The following TRAPPC12 variants were observed in gnomAD, a reference collection of about 807,000 sequenced individuals.
The protein encoded by TRAPPC12 is TPR repeat protein 15.
In TRAPPC12, 61 loss-of-function variants were observed where a neutral mutation model predicts 69.2. The observed-to-expected ratio is 0.88, with a 90% CI of 0.72 to 1.09. The LOEUF (loss-of-function observed/expected upper bound fraction) is 1.09. Ranked by LOEUF, TRAPPC12 falls within the 50% of genes least tolerant of loss-of-function variation. TRAPPC12 has a pLI of 0.00. For missense variants in TRAPPC12, 1,101 were observed against 1,016.4 expected (o/e 1.08, Z -1.13); for synonymous variants, 469 against 438.9 (o/e 1.07, Z -0.86).
intron 1 of TRAPPC12, among the ~76,000 whole-genome samples, chr2:3,384,435 G>A (rs1660401481): frequency 6.6e-6 from 1 of 152,088 alleles, no homozygotes; most frequent in South Asian, 2.1e-4. Context: ...TTAATTTGAG[G>A]TTTCCTTTAG....
intron 2 of TRAPPC12, among the ~76,000 whole-genome samples, chr2:3,392,901 T>C (rs1660903187): frequency 6.6e-6 from 1 of 152,228 alleles, no homozygotes; most frequent in Non-Finnish European, 1.5e-5. Context: ...TGCAGAATTA[T>C]ACAGTAGCCC....
chr2:3,395,828 C>G (rs568256972), intron 2 of TRAPPC12, among the ~76,000 whole-genome samples: 2 of 151,990 alleles, frequency 1.3e-5, no homozygotes, highest in Non-Finnish European at 2.9e-5. Flanking sequence ...CTCCCAGGCT[C>G]AAGCAATTCC....
intron 3 of TRAPPC12, among the ~76,000 whole-genome samples, chr2:3,404,706 G>A (rs12989272): frequency 0.27 from 40,503 of 151,872 alleles, 5,640 homozygotes; most frequent in East Asian, 0.41. Flanking sequence ...GACCCAGCAC[G>A]GTCAGGCACA....
chr2:3,431,104 A>G (rs1002377737), intron 5 of TRAPPC12, among the ~76,000 whole-genome samples: 2 of 152,232 alleles, frequency 1.3e-5, no homozygotes, highest in Non-Finnish European at 2.9e-5. Context: ...GCTCTGAGGC[A>G]GGCCCGCAGA....
intron 3 of TRAPPC12, among the ~76,000 whole-genome samples, chr2:3,403,279 C>T (rs948429218): frequency 2.1e-5 from 3 of 139,944 alleles, no homozygotes; most frequent in African/African-American, 8.2e-5. Context: ...GTTGCCCAGG[C>T]TGGAGTGCAA....
rs1558405500 is a variant in TRAPPC12, at chr2:3,465,597, G to T, written c.1678G>T (p.Asp560Tyr). The T allele has an allele frequency of 1.2e-6, 2 of 1,612,628 alleles. No homozygotes were observed. Among genetic ancestry groups the T allele is most frequent in the East Asian group, 2.2e-5 (1 of 44,878 alleles). Residue 560 changes from aspartate (D) to tyrosine (Y), a missense_variant and splice_region_variant, in exon 9 of 12, where the codon GAT becomes TAT. Physicochemically the swap from Asp to Tyr is radical, Grantham distance 160. Transcript: ENST00000324266. ...SMANCLLLMK[D>Y]YVLAVEAYHS... ...GTACGTTGGGTTTTTCTTCCCACAG[G>T]ATTATGTGCTGGCCGTGGAGGCGTA...
intron 9 of TRAPPC12, among the ~76,000 whole-genome samples, chr2:3,468,605 T>C (rs1665927642): frequency 6.6e-6 from 1 of 152,120 alleles, no homozygotes; most frequent in African/African-American, 2.4e-5. Context: ...CAGATCCAAG[T>C]GTAAGGGCGG....
At position 3,465,682 on chromosome 2, in the gene TRAPPC12, G is replaced by A. The variant is rs373998922; in HGVS notation, c.1763G>A (p.Arg588Gln). 3.4e-5 allele frequency: 55 copies of A among 1,613,806 alleles called. No individual in the cohort carries two copies. Among genetic ancestry groups the A allele is most frequent in the African/African-American group, 1.2e-4 (9 of 74,930 alleles). Reference sequence around the variant, plus strand: ...CCCCAGCTGCTCAGCGGCATCGGCCGGATTTCCCTGCAGGTACCTGTGCAC... The same window carrying A: ...CCCCAGCTGCTCAGCGGCATCGGCCAGATTTCCCTGCAGGTACCTGTGCAC... ...QEPQLLSGIG[R>Q]ISLQIGDIKT... Residue 588 changes from arginine to glutamine, a missense_variant, in exon 9 of 12, where the codon CGG (arginine) becomes CAG (glutamine). By Grantham distance (43) the Arg-to-Gln change is conservative. Transcript: ENST00000324266.
intron 8 of TRAPPC12, among the ~76,000 whole-genome samples, chr2:3,464,390 C>T (rs929283621): frequency 6.6e-6 from 1 of 151,130 alleles, no homozygotes; most frequent in Non-Finnish European, 1.5e-5. Context: ...TTTTTCCTTC[C>T]TACCAAACTG....
At chr2:3,409,780 G>A (rs6737048) in intron 3 of TRAPPC12, among the ~76,000 whole-genome samples, 83,663 of 130,722 alleles carry the variant, frequency 0.64, 27,712 homozygotes, top group African/African-American at 0.76. Context: ...AAAAAAAAAG[G>A]GGAAGAAATG....
intron 1 of TRAPPC12, among the ~76,000 whole-genome samples, chr2:3,387,151 G>T (rs1049957864): frequency 6.6e-6 from 1 of 152,164 alleles, no homozygotes; most frequent in Non-Finnish European, 1.5e-5. Context: ...CAGATAGCTG[G>T]ATAAACAAAA....
chr2:3,445,018 T>C (rs568667790), intron 6 of TRAPPC12, among the ~76,000 whole-genome samples: 4 of 152,342 alleles, frequency 2.6e-5, no homozygotes, highest in African/African-American at 9.6e-5. Context: ...AACTTGAAAT[T>C]GAGAAGTTCT....
chr2:3,382,186 G>A (rs1660244115), intron 1 of TRAPPC12, among the ~76,000 whole-genome samples: 1 of 144,854 alleles, frequency 6.9e-6, no homozygotes, highest in East Asian at 2.1e-4. Context: ...CCAGGCTGGA[G>A]TGCAGTGGCA....
chr2:3,434,383 A>T lies in TRAPPC12; in HGVS notation c.1418-9396A>T, dbSNP rs182609318. ...TTTTCTTTCTGATTTAATTCCCTAC[A>T]TTTTTCTCTTTCATATGAAGTTGCA... On this transcript the variant is annotated intron_variant, in intron 5 of 11. Transcript: ENST00000324266. Among the ~76,000 whole-genome samples, 480 of 152,044 alleles carry T rather than the reference A, an allele frequency of 3.2e-3. 3 individuals carry two copies. Among genetic ancestry groups the T allele is most frequent in the African/African-American group, 6.7e-3 (278 of 41,464 alleles).
At chr2:3,469,357 T>A (rs1455731171) in intron 9 of TRAPPC12, among the ~76,000 whole-genome samples, 1 of 152,166 alleles carries the variant, frequency 6.6e-6, no homozygotes, top group Non-Finnish European at 1.5e-5. Flanking sequence ...TCATAAGAAA[T>A]ACGTATATTA....
chr2:3,388,157 G>A lies in TRAPPC12; in HGVS notation c.534G>A (p.Gln178=). Residue 178 remains glutamine (Q), a synonymous_variant, in exon 2 of 12, where the codon CAG becomes CAA. Coordinates refer to ENST00000324266, the MANE Select transcript of TRAPPC12 (RefSeq NM_016030.6). Reference sequence around the variant, plus strand: ...CCTCCGGGGACGGCTTCGAGCCGCAGATGGTGAAGTCGCCCAGCTTCGGTG... The same window carrying A: ...CCTCCGGGGACGGCTTCGAGCCGCAAATGGTGAAGTCGCCCAGCTTCGGTG... The part of the protein sequence containing the change: ...PPASGDGFEP[Q]MVKSPSFGGA... 1 of 1,606,856 alleles carries A rather than the reference G, an allele frequency of 6.2e-7. No individual in the cohort carries two copies. The highest frequency in any genetic ancestry group is 1.1e-5 in the South Asian group (1 of 90,636).
chr2:3,387,004 T>C (rs1376948778), intron 1 of TRAPPC12, among the ~76,000 whole-genome samples: 1 of 152,180 alleles, frequency 6.6e-6, no homozygotes, highest in East Asian at 1.9e-4. Context: ...AGAATTACCA[T>C]ATAATCCAGC....
chr2:3,474,931 G>A (rs958796055), intron 9 of TRAPPC12, among the ~76,000 whole-genome samples: 6 of 152,174 alleles, frequency 3.9e-5, no homozygotes, highest in African/African-American at 1.4e-4. Flanking sequence ...GTAACTGAGA[G>A]TTTTCTAGAA....
At chr2:3,474,829 G>T (rs1210882984) in intron 9 of TRAPPC12, among the ~76,000 whole-genome samples, 1 of 152,160 alleles carries the variant, frequency 6.6e-6, no homozygotes, top group Non-Finnish European at 1.5e-5. Flanking sequence ...GAGCACATGA[G>T]GTGTGCTGTG....
Sources: gnomAD v4.1 joint callset for allele counts (sites outside exome capture counted in the v4.1 genomes callset) on GRCh38, gnomAD v4.1.1 for gene constraint, MANE v1.5 for transcripts, NCBI Gene and HGNC (gene_info 2026-07-23, HGNC 2026-07-21) for gene names.